APOA1: variants seen among roughly 807,000 people sequenced by gnomAD.
APOA1 encodes the protein apolipoprotein A-I.
Under a neutral mutation model 25.9 loss-of-function variants are expected in APOA1, and 22 were observed. That is an observed-to-expected ratio of 0.85 (90% CI 0.61 to 1.21). The LOEUF (loss-of-function observed/expected upper bound fraction) is 1.21, where lower values mean the gene tolerates loss of function less well. Ranked by LOEUF, APOA1 falls within the 50% of genes most tolerant of loss-of-function variation. APOA1 has a pLI of 0.00. For synonymous variants in APOA1, 163 were observed against 152.2 expected (o/e 1.07, Z -0.52); for missense variants, 351 against 347.9 (o/e 1.01, Z -0.07).
In APOA1 at chr11:116,836,053, G is replaced by A. The variant is rs1052925; in HGVS notation, c.559C>T (p.Leu187=). Residue 187 remains leucine, a synonymous_variant, in exon 4 of 4, where the codon CTG becomes TTG. Coordinates refer to ENST00000236850, the MANE Select transcript of APOA1 (RefSeq NM_000039.3). ...CGCAGCTCGTCGCTGTAGGGGGCCA[G>A]ATGCGTGCGCAGCGCGTCCACATGG... ...RAHVDALRTH[L]APYSDELRQR... is the part of the protein sequence containing the mutation. 6.2e-7 allele frequency: 1 copy of A among 1,605,446 alleles called. No homozygotes were observed. The highest frequency in any genetic ancestry group is 8.5e-7 in the Non-Finnish European group (1 of 1,178,774).
At chr11:116,837,184 C>T in intron 2 of APOA1, 27 bp from the exon 3 acceptor site, 1 of 1,608,854 alleles carries the variant, frequency 6.2e-7, no homozygotes, top group Non-Finnish European at 8.5e-7. Context: ...AGACCCAGAT[C>T]AGGCCAGCTG....
Position 116,835,970 on chromosome 11 carries a change from G to A in APOA1, c.642C>T (p.Ala214=), listed in dbSNP as rs375529707. The part of the protein sequence containing the change: ...ALKENGGARL[A]EYHAKATEHL... ...GCTCGGTGGCCTTGGCGTGGTACTC[G>A]GCCAGTCTGGCGCCGCCGTTCTCCT... Residue 214 remains alanine (A), a synonymous_variant, in exon 4 of 4, where the codon GCC becomes GCT. Coordinates refer to ENST00000236850, the MANE Select transcript of APOA1 (RefSeq NM_000039.3). 30 of 1,610,602 alleles carry A rather than the reference G, an allele frequency of 1.9e-5. No homozygotes were observed. Among genetic ancestry groups the A allele is most frequent in the African/African-American group, 2.7e-5 (2 of 74,922 alleles).
At chr11:116,836,961 G>GCCTTTACTAATCAT (rs1941565248) in intron 3 of APOA1, 40 bp downstream of exon 3, 1 of 1,608,548 alleles carries the variant, frequency 6.2e-7, no homozygotes, top group Non-Finnish European at 8.5e-7. Flanking sequence ...ACAGGCCTCT[G>GCCTTTACTAATCAT]CCCCCTACCC....
At position 116,835,937 on chromosome 11, in the gene APOA1, G is replaced by T; in HGVS notation, c.675C>A (p.Ser225Arg). 6.2e-7 allele frequency: 1 copy of T among 1,612,712 alleles called. No homozygotes were observed. The highest frequency in any genetic ancestry group is 8.5e-7 in the Non-Finnish European group (1 of 1,179,958). The change falls in exon 4 of 4, where the codon AGC becomes AGA. Residue 225 changes from serine (S) to arginine (R), a missense_variant. Ser to Arg is a moderately radical substitution (Grantham distance 110). Coordinates refer to ENST00000236850, the MANE Select transcript of APOA1 (RefSeq NM_000039.3). ...EYHAKATEHL[S>R]TLSEKAKPAL... Reference sequence around the variant, plus strand: ...CGGGCTTGGCCTTCTCGCTGAGCGTGCTCAGATGCTCGGTGGCCTTGGCGT... The same window carrying T: ...CGGGCTTGGCCTTCTCGCTGAGCGTTCTCAGATGCTCGGTGGCCTTGGCGT...
In APOA1 at chr11:116,836,992, G is replaced by T. The variant is rs199948046; in HGVS notation, c.200+9C>A. The T allele has an allele frequency of 2.5e-6, 4 of 1,613,938 alleles. No homozygotes were observed. Among genetic ancestry groups the T allele is most frequent in the Admixed American group, 1.7e-5 (1 of 60,030 alleles). ...TACCCCTGCCCTCAACCCCAGGCTG[G>T]GTCCTTACTTTAGCTGTTTTCCCAA... is the stretch of plus-strand genomic sequence containing the variant. On this transcript the variant is annotated intron_variant, in intron 3 of 3. Transcript: ENST00000236850.
chr11:116,837,404 G>A lies in APOA1; in HGVS notation c.-17C>T, dbSNP rs987882666. 6 of 1,555,064 alleles carry A rather than the reference G, an allele frequency of 3.9e-6. No homozygotes were observed. Among genetic ancestry groups the A allele is most frequent in the Non-Finnish European group, 4.4e-6 (5 of 1,148,894 alleles). On this transcript the variant is annotated 5_prime_UTR_variant, in exon 2 of 4. Transcript: ENST00000236850. Reference sequence around the variant, plus strand: ...AGCTTTCATCCTGAAGGGCCGTGGGGGACCTGGAGGAGAAGAAGGGCCTGG... The same window carrying A: ...AGCTTTCATCCTGAAGGGCCGTGGGAGACCTGGAGGAGAAGAAGGGCCTGG...
At chr11:116,837,548 A>G (rs1941587351) in intron 1 of APOA1, 57 bp downstream of exon 1, 1 of 853,110 alleles carries the variant, frequency 1.2e-6, no homozygotes, top group Non-Finnish European at 1.9e-6. Flanking sequence ...GGCCTGGGGC[A>G]AGGCCTGAAC....
In APOA1 at chr11:116,836,115, C is replaced by T. The variant is rs1326234415; in HGVS notation, c.497G>A (p.Ser166Asn). ...QKLHELQEKL[S>N]PLGEEMRDRA... ...GTCGCGCATCTCCTCGCCCAGTGGG[C>T]TCAGCTTCTCTTGCAGCTCGTGCAG... is the stretch of plus-strand genomic sequence containing the variant. The change falls in exon 4 of 4, where the codon AGC (serine) becomes AAC (asparagine). Residue 166 changes from serine (S) to asparagine (N), a missense_variant. Physicochemically the swap from Ser to Asn is conservative, Grantham distance 46. Coordinates refer to ENST00000236850, the MANE Select transcript of APOA1 (RefSeq NM_000039.3). 6.2e-7 allele frequency: 1 copy of T among 1,611,962 alleles called. No homozygotes were observed. The highest frequency in any genetic ancestry group is 8.5e-7 in the Non-Finnish European group (1 of 1,179,958).
At chr11:116,837,290 G>A (rs1252179933) in intron 2 of APOA1, 55 bp downstream of exon 2, 1 of 1,590,132 alleles carries the variant, frequency 6.3e-7, no homozygotes, top group Non-Finnish European at 8.6e-7. Flanking sequence ...TGGGCCACGG[G>A]GATTTAGGGA....
At chr11:116,836,821 C>T (rs1941561696) in intron 3 of APOA1, among the ~76,000 whole-genome samples, 180 bp downstream of exon 3, 1 of 152,250 alleles carries the variant, frequency 6.6e-6, no homozygotes, top group African/African-American at 2.4e-5. Flanking sequence ...CTGGTCTGTC[C>T]TTTGCAGGGG....
chr11:116,837,029 C>G lies in APOA1; in HGVS notation c.172G>C (p.Glu58Gln). The G allele has an allele frequency of 2.5e-6, 4 of 1,614,218 alleles. No individual in the cohort carries two copies. The highest frequency in any genetic ancestry group is 1.7e-6 in the Non-Finnish European group (2 of 1,180,054). Residue 58 changes from glutamate (E) to glutamine (Q), a missense_variant, in exon 3 of 4, where the codon GAA becomes CAA. By Grantham distance (29) the Glu-to-Gln change is conservative (BLOSUM62 2). Transcript: ENST00000236850. Reference protein sequence around the residue: ...DSGRDYVSQFEGSALGKQLNL... With the variant: ...DSGRDYVSQFQGSALGKQLNL... Reference sequence around the variant, plus strand: ...AGCTGTTTTCCCAAGGCGGAGCCTTCAAACTGGGACACATAGTCTCTGCCG... The same window carrying G: ...AGCTGTTTTCCCAAGGCGGAGCCTTGAAACTGGGACACATAGTCTCTGCCG...
intron 1 of APOA1, 57 bp downstream of exon 1, chr11:116,837,548 A>T: frequency 1.2e-6 from 1 of 853,230 alleles, no homozygotes; most frequent in Non-Finnish European, 1.9e-6. Flanking sequence ...GGCCTGGGGC[A>T]AGGCCTGAAC....
Position 116,837,143 on chromosome 11 carries a change from G to A in APOA1, c.58C>T (p.His20Tyr). ...GGGGGTTCATCTTGCTGCCAGAAAT[G>A]CCGAGCCTGGCTCCCTGAGGGTGGG... is the stretch of plus-strand genomic sequence containing the variant. ...VLFLTGSQAR[H>Y]FWQQDEPPQS... The change falls in exon 3 of 4, where the codon CAT becomes TAT. Residue 20 changes from histidine (H) to tyrosine (Y), a missense_variant. His to Tyr is a moderately conservative substitution (Grantham distance 83). Coordinates refer to ENST00000236850, the MANE Select transcript of APOA1 (RefSeq NM_000039.3). 2 of 1,612,592 alleles carry A rather than the reference G, an allele frequency of 1.2e-6. No individual in the cohort carries two copies. The highest frequency in any genetic ancestry group is 1.7e-6 in the Non-Finnish European group (2 of 1,178,988).
chr11:116,836,997 T>G lies in APOA1; in HGVS notation c.200+4A>C. On this transcript the variant is annotated splice_donor_region_variant and intron_variant, in intron 3 of 3. Coordinates refer to ENST00000236850, the MANE Select transcript of APOA1 (RefSeq NM_000039.3). Reference sequence around the variant, plus strand: ...CTGCCCTCAACCCCAGGCTGGGTCCTTACTTTAGCTGTTTTCCCAAGGCGG... The same window carrying G: ...CTGCCCTCAACCCCAGGCTGGGTCCGTACTTTAGCTGTTTTCCCAAGGCGG... 2 of 1,614,062 alleles carry G rather than the reference T, an allele frequency of 1.2e-6. No individual in the cohort carries two copies. The highest frequency in any genetic ancestry group is 1.7e-6 in the Non-Finnish European group (2 of 1,180,010).
chr11:116,837,330 T>G lies in APOA1; in HGVS notation c.43+15A>C. 6.4e-7 allele frequency: 1 copy of G among 1,573,472 alleles called. No homozygotes were observed. Among genetic ancestry groups the G allele is most frequent in the Non-Finnish European group, 8.6e-7 (1 of 1,158,842 alleles). On this transcript the variant is annotated intron_variant, in intron 2 of 3. Coordinates refer to ENST00000236850, the MANE Select transcript of APOA1 (RefSeq NM_000039.3). ...GCCCCCCGATGGTTGGCTCCCTAGG[T>G]TAGGGGACACCTACCCGTCAGGAAG...
At position 116,836,089 on chromosome 11, in the gene APOA1, G is replaced by C. The variant is rs1418355699; in HGVS notation, c.523C>G (p.Arg175Gly). 1.2e-6 allele frequency: 2 copies of C among 1,607,144 alleles called. No homozygotes were observed. The highest frequency in any genetic ancestry group is 1.7e-6 in the Non-Finnish European group (2 of 1,178,408). The change falls in exon 4 of 4, where the codon CGC (arginine) becomes GGC (glycine). Residue 175 changes from arginine (R) to glycine (G), a missense_variant. By Grantham distance (125) the Arg-to-Gly change is moderately radical. Coordinates refer to ENST00000236850, the MANE Select transcript of APOA1 (RefSeq NM_000039.3). ...LSPLGEEMRDRARAHVDALRT... is the reference protein window; with the variant it reads ...LSPLGEEMRDGARAHVDALRT... ...AGCGCGTCCACATGGGCGCGCGCGC[G>C]GTCGCGCATCTCCTCGCCCAGTGGG...
At chr11:116,837,525 T>C in intron 1 of APOA1, 80 bp downstream of exon 1, 1 of 1,090,426 alleles carries the variant, frequency 9.2e-7, no homozygotes, top group Non-Finnish European at 1.4e-6. Context: ...AGACCTCAGG[T>C]ACCCAGAGGC....
chr11:116,837,488 G>A, intron 1 of APOA1, 81 bp from the exon 2 acceptor site: 3 of 1,407,368 alleles, frequency 2.1e-6, no homozygotes, highest in Non-Finnish European at 2.9e-6. Context: ...TTGCAGCCAG[G>A]TGAGGAGAAG....
At position 116,836,341 on chromosome 11, in the gene APOA1, C is replaced by A. The variant is rs2134231457; in HGVS notation, c.271G>T (p.Val91Leu). Residue 91 changes from valine (V) to leucine (L), a missense_variant, in exon 4 of 4, where the codon GTG becomes TTG. Coordinates refer to ENST00000236850, the MANE Select transcript of APOA1 (RefSeq NM_000039.3). ...FSKLREQLGP[V>L]TQEFWDNLEK... Reference sequence around the variant, plus strand: ...AGGTTATCCCAGAACTCCTGGGTCACAGGGCCGAGCTGTTCGCGCAGCTTG... The same window carrying A: ...AGGTTATCCCAGAACTCCTGGGTCAAAGGGCCGAGCTGTTCGCGCAGCTTG... 2.5e-6 allele frequency: 4 copies of A among 1,614,188 alleles called. No homozygotes were observed. Among genetic ancestry groups the A allele is most frequent in the Non-Finnish European group, 2.5e-6 (3 of 1,180,044 alleles).
Sources: gnomAD v4.1 joint callset for allele counts (sites outside exome capture counted in the v4.1 genomes callset) on GRCh38, gnomAD v4.1.1 for gene constraint, MANE v1.5 for transcripts, NCBI Gene and HGNC (gene_info 2026-07-23, HGNC 2026-07-21) for gene names.